Variants in PTN observed in about 807,000 individuals in gnomAD.
PTN encodes the protein heparin affin regulatory protein.
PTN carries 18 observed loss-of-function variants against 24.1 expected under a neutral mutation model. The ratio of observed to expected loss-of-function variants is 0.75; its 90% CI spans 0.52 to 1.11. The LOEUF is 1.11. Ranked by LOEUF, PTN falls within the 50% of genes least tolerant of loss-of-function variation. PTN has a pLI of 0.00. For synonymous variants in PTN, 78 were observed against 68.6 expected (o/e 1.14, Z -0.67); for missense variants, 163 against 198.8 (o/e 0.82, Z 1.08).
At position 137,316,513 on chromosome 7, in the gene PTN, G is replaced by T. The variant is rs573252969; in HGVS notation, c.-2+26926C>A. Among the ~76,000 whole-genome samples the T allele has an allele frequency of 1.5e-3, 221 of 152,310 alleles. 1 individual carries two copies. Among genetic ancestry groups the T allele is most frequent in the African/African-American group, 5.1e-3 (210 of 41,580 alleles). ...ATCTGTCAAGTGGTGTAATGGAAGA[G>T]AACTTTATAAAGGCAGGCCAAGGTC... On this transcript the variant is annotated intron_variant, in intron 1 of 4. Transcript: ENST00000348225.
chr7:137,254,986 C>A lies in PTN; in HGVS notation c.-1-12G>T. The A allele has an allele frequency of 6.6e-7, 1 of 1,507,194 alleles. No homozygotes were observed. The highest frequency in any genetic ancestry group is 9.0e-7 in the Non-Finnish European group (1 of 1,105,498). The allele number at this position is 1,507,194 out of a possible 1,614,324, so 93.4% of individuals were successfully genotyped here. A position where few individuals can be genotyped will look rare whatever the true frequency, so the allele number is the denominator to read the frequency against. ...GTTGAGCCTGCATTCTAGGAATAAA[C>A]AGAGAAAGAGAAGAAGGTGGCATTA... On this transcript the variant is annotated splice_polypyrimidine_tract_variant and intron_variant, in intron 1 of 4. Transcript: ENST00000348225.
chr7:137,332,744 A>C (rs1394468103), intron 1 of PTN, among the ~76,000 whole-genome samples: 1 of 152,148 alleles, frequency 6.6e-6, no homozygotes, highest in Non-Finnish European at 1.5e-5. Flanking sequence ...TGACCCTTGA[A>C]ATCCAGTTCT....
At chr7:137,249,272 C>CGTGTGTGTGTGTGTGT (rs60014659) in intron 4 of PTN, among the ~76,000 whole-genome samples, 4 of 145,276 alleles carry the variant, frequency 2.8e-5, no homozygotes, top group African/African-American at 7.6e-5. Context: ...GGACAGTGCA[C>CGTGTGTGTGTGTGTGT]GTGTGTGTGT....
chr7:137,236,567 C>T (rs1808525281), intron 4 of PTN, among the ~76,000 whole-genome samples: 1 of 152,134 alleles, frequency 6.6e-6, no homozygotes, highest in Non-Finnish European at 1.5e-5. Context: ...TCTGCCCTTC[C>T]TCTATCTGTA....
At chr7:137,269,375 T>A (rs1406302181) in intron 1 of PTN, among the ~76,000 whole-genome samples, 1 of 152,146 alleles carries the variant, frequency 6.6e-6, no homozygotes, top group South Asian at 2.1e-4. Context: ...TATTCTCACA[T>A]TGGCTCACCA....
chr7:137,249,468 G>A (rs1808784156), intron 4 of PTN, among the ~76,000 whole-genome samples: 1 of 152,104 alleles, frequency 6.6e-6, no homozygotes, highest in Non-Finnish European at 1.5e-5. Flanking sequence ...GGCACTGGGA[G>A]TTTTGCAAGT....
intron 1 of PTN, among the ~76,000 whole-genome samples, chr7:137,295,443 T>A (rs1809704424): frequency 6.6e-6 from 1 of 152,072 alleles, no homozygotes; most frequent in Admixed American, 6.6e-5. Flanking sequence ...AAATTTCTCA[T>A]CTGTTCTAGA....
At chr7:137,231,810 T>G (rs1334923400) in intron 4 of PTN, among the ~76,000 whole-genome samples, 1 of 151,914 alleles carries the variant, frequency 6.6e-6, no homozygotes, top group African/African-American at 2.4e-5. Context: ...CTTACAAACA[T>G]ACGTATATGA....
At chr7:137,266,474 T>C (rs183859817) in intron 1 of PTN, among the ~76,000 whole-genome samples, 145 of 152,022 alleles carry the variant, frequency 9.5e-4, no homozygotes, top group Admixed American at 2.7e-3. Flanking sequence ...TTTTTATAAC[T>C]TTTTTCTTCC....
At chr7:137,325,292 T>C (rs1810240389) in intron 1 of PTN, 1 of 152,234 alleles carries the variant, frequency 6.6e-6, no homozygotes, top group South Asian at 2.1e-4. Flanking sequence ...ATTTACTTCC[T>C]GAGCATTCTT....
intron 1 of PTN, among the ~76,000 whole-genome samples, chr7:137,330,468 T>C (rs544722561): frequency 6.6e-6 from 1 of 152,200 alleles, no homozygotes; most frequent in South Asian, 2.1e-4. Context: ...CCCCCAAATC[T>C]AGAAGGCACA....
intron 1 of PTN, among the ~76,000 whole-genome samples, chr7:137,337,314 G>T (rs1810464993): frequency 6.6e-6 from 1 of 152,132 alleles, no homozygotes; most frequent in African/African-American, 2.4e-5. Context: ...ATATTACAGA[G>T]GAATAAACTC....
intron 4 of PTN, among the ~76,000 whole-genome samples, chr7:137,235,670 T>C (rs2128868073): frequency 6.6e-6 from 1 of 152,234 alleles, no homozygotes; most frequent in East Asian, 1.9e-4. Flanking sequence ...ACGATATGTG[T>C]GGAAAACATG....
chr7:137,326,578 T>C (rs1164276103), intron 1 of PTN: 1 of 152,192 alleles, frequency 6.6e-6, no homozygotes. Flanking sequence ...TGGGGAGAGA[T>C]AGTCATTTAA....
At chr7:137,270,906 G>T (rs1020455193) in intron 1 of PTN, among the ~76,000 whole-genome samples, 1 of 152,140 alleles carries the variant, frequency 6.6e-6, no homozygotes, top group African/African-American at 2.4e-5. Flanking sequence ...AGTGAGGTAT[G>T]GTATCTCTAC....
chr7:137,311,384 G>A (rs558427962), intron 1 of PTN, among the ~76,000 whole-genome samples: 8 of 152,140 alleles, frequency 5.3e-5, no homozygotes, highest in South Asian at 2.1e-4. Flanking sequence ...GCTTTTATTC[G>A]TGTATTTACT....
intron 2 of PTN, among the ~76,000 whole-genome samples, chr7:137,254,540 AT>A (rs71758827): frequency 0.14 from 19,880 of 146,694 alleles, 3,290 homozygotes; most frequent in African/African-American, 0.39. Context: ...GTTGCAGTGC[AT>A]TTTTTTTTTT....
At chr7:137,251,531 T>C (rs1231084444) in intron 3 of PTN, 140 bp from the exon 4 acceptor site, 1 of 888,844 alleles carries the variant, frequency 1.1e-6, no homozygotes, top group African/African-American at 1.7e-5. Flanking sequence ...TAATACAGAG[T>C]GTATGCGTGT....
At chr7:137,304,866 C>T (rs1739086643) in intron 1 of PTN, among the ~76,000 whole-genome samples, 1 of 151,962 alleles carries the variant, frequency 6.6e-6, no homozygotes, top group Non-Finnish European at 1.5e-5. Context: ...AAGGCATTTG[C>T]TAAGAGTTGG....
Sources: allele counts gnomAD v4.1 joint callset (sites outside exome capture counted in the v4.1 genomes callset), GRCh38; gene constraint gnomAD v4.1.1; transcripts MANE v1.5; gene names NCBI Gene and HGNC (gene_info 2026-07-23, HGNC 2026-07-21).